The following NEDD4L variants were observed in gnomAD, a reference collection of about 807,000 sequenced individuals.
NEDD4L encodes NEDD4 like E3 ubiquitin protein ligase, also known as E3 ubiquitin-protein ligase NEDD4-like.
A neutral mutation model predicts 148.9 loss-of-function variants in NEDD4L; 54 were observed. The observed-to-expected ratio is 0.36, with a 90% CI of 0.29 to 0.45. The LOEUF is 0.45. NEDD4L is among the 20% of genes least tolerant of loss of function. The pLI, the probability that NEDD4L is intolerant of heterozygous loss-of-function variation, is 1.00. For missense variants in NEDD4L, 856 were observed against 1,233.8 expected, an observed-to-expected ratio of 0.69 and a Z score of 4.59; for synonymous variants, 433 against 440.7, an observed-to-expected ratio of 0.98 and a Z score of 0.22.
At chr18:58,373,100 G>T (rs2047110855) in intron 23 of NEDD4L, 74 bp from the exon 24 acceptor site, 2 of 780,320 alleles carry the variant, frequency 2.6e-6, no homozygotes, top group African/African-American at 1.7e-5. Flanking sequence ...ACATTAGAAT[G>T]TAATTAAAGA....
At chr18:58,067,073 C>T (rs1172144006) in intron 1 of NEDD4L, among the ~76,000 whole-genome samples, 1 of 152,072 alleles carries the variant, frequency 6.6e-6, no homozygotes, top group Admixed American at 6.5e-5. Context: ...TGTTTCCAGC[C>T]CTGAACTCTC....
Position 58,149,412 on chromosome 18 carries a change from C to T in NEDD4L, c.49-16376C>T, listed in dbSNP as rs988200134. ...AACTTCTCTCCTGTGACCTTGTCAC[C>T]CGGCAGTGGAAAGTTACCCTTGGCT... On this transcript the variant is annotated intron_variant, in intron 1 of 30. Coordinates refer to ENST00000400345, the MANE Select transcript of NEDD4L (RefSeq NM_001144967.3). The T allele has an allele frequency of 4.0e-6, 6 of 1,502,690 alleles. No individual in the cohort carries two copies. The African/African-American group carries it at 7.0e-5, about 17-fold the overall frequency. The allele number at this position is 1,502,690 out of a possible 1,614,324, so 93.1% of individuals were successfully genotyped here. A position where few individuals can be genotyped will look rare whatever the true frequency, so the allele number is the denominator to read the frequency against.
At chr18:58,317,898 A>G (rs1192382247) in intron 6 of NEDD4L, among the ~76,000 whole-genome samples, 1 of 152,208 alleles carries the variant, frequency 6.6e-6, no homozygotes, top group Non-Finnish European at 1.5e-5. Flanking sequence ...GTTCACAGCC[A>G]ACTATAGTCA....
intron 1 of NEDD4L, among the ~76,000 whole-genome samples, chr18:58,163,995 C>T (rs545380475): frequency 2.1e-4 from 32 of 151,664 alleles, no homozygotes; most frequent in African/African-American, 5.6e-4. Context: ...TACTTTCTTG[C>T]GCCGTCAGCC....
chr18:58,105,974 C>G (rs1286073797), intron 1 of NEDD4L, among the ~76,000 whole-genome samples: 2 of 152,170 alleles, frequency 1.3e-5, no homozygotes, highest in Non-Finnish European at 2.9e-5. Flanking sequence ...AAAAAGAAAC[C>G]TTAGGTTACC....
intron 1 of NEDD4L, among the ~76,000 whole-genome samples, chr18:58,138,353 C>T (rs1325211196): frequency 6.7e-6 from 1 of 148,244 alleles, no homozygotes; most frequent in African/African-American, 2.5e-5. Flanking sequence ...TCTTCCCTCC[C>T]CTCCTCCTCT....
At chr18:58,159,493 C>T (rs1398975172) in intron 1 of NEDD4L, among the ~76,000 whole-genome samples, 2 of 151,890 alleles carry the variant, frequency 1.3e-5, no homozygotes, top group African/African-American at 4.8e-5. Flanking sequence ...GTAGGGGGTA[C>T]GTAGGAAATC....
rs538021085 is a variant in NEDD4L, at chr18:58,133,097, A to C, written c.49-32691A>C. The stretch of plus-strand genomic sequence containing the variant: ...ACTTGCCTGGCATGTGGAACTGAGT[A>C]AATTCTGTCAAAAGAACTCACTGAA... On this transcript the variant is annotated intron_variant, in intron 1 of 30. Coordinates refer to ENST00000400345, the MANE Select transcript of NEDD4L (RefSeq NM_001144967.3). Among the ~76,000 whole-genome samples, 271 of 152,342 alleles carry C rather than the reference A, an allele frequency of 1.8e-3. 3 individuals are homozygous for C. The Middle Eastern group carries it at 0.024, about 13-fold the overall frequency.
chr18:58,382,545 T>A (rs1376262708), intron 24 of NEDD4L, among the ~76,000 whole-genome samples: 4 of 152,190 alleles, frequency 2.6e-5, no homozygotes, highest in Non-Finnish European at 5.9e-5. Context: ...TATTTTAAAA[T>A]AGTAGGCCTC....
intron 2 of NEDD4L, 48 bp downstream of exon 2, chr18:58,165,909 A>G (rs571911875): frequency 2.0e-6 from 3 of 1,479,842 alleles, no homozygotes; most frequent in South Asian, 2.4e-5. Flanking sequence ...AAAATTGACA[A>G]GCAGTTTTCA....
At chr18:58,162,496 C>T (rs1045438797) in intron 1 of NEDD4L, among the ~76,000 whole-genome samples, 7 of 151,920 alleles carry the variant, frequency 4.6e-5, no homozygotes, top group African/African-American at 1.7e-4. Flanking sequence ...ATGTTCCTCT[C>T]CCCAGTTGCT....
At chr18:58,166,580 T>C (rs924877270) in intron 2 of NEDD4L, among the ~76,000 whole-genome samples, 7 of 152,234 alleles carry the variant, frequency 4.6e-5, no homozygotes, top group Non-Finnish European at 8.8e-5. Flanking sequence ...GATGTTCTAG[T>C]CCAACTTTTC....
chr18:58,076,229 A>G (rs971545535), intron 1 of NEDD4L, among the ~76,000 whole-genome samples: 1 of 152,244 alleles, frequency 6.6e-6, no homozygotes, highest in African/African-American at 2.4e-5. Context: ...ATTAAGCCAG[A>G]CTGTAGCAGG....
At chr18:58,053,417 G>A (rs897306535) in intron 1 of NEDD4L, among the ~76,000 whole-genome samples, 2 of 151,714 alleles carry the variant, frequency 1.3e-5, no homozygotes, top group Non-Finnish European at 2.9e-5. Context: ...CACGCCATTC[G>A]CCTGCCTCAG....
At chr18:58,217,209 C>T (rs2043235587) in intron 2 of NEDD4L, among the ~76,000 whole-genome samples, 1 of 152,196 alleles carries the variant, frequency 6.6e-6, no homozygotes, top group African/African-American at 2.4e-5. Flanking sequence ...GGATTTAAGA[C>T]CATGTGAGGA....
chr18:58,190,737 T>C (rs2040013810), intron 2 of NEDD4L, among the ~76,000 whole-genome samples: 1 of 152,230 alleles, frequency 6.6e-6, no homozygotes, highest in South Asian at 2.1e-4. Flanking sequence ...TAAAGTTACC[T>C]CTTTGAGTGA....
intron 4 of NEDD4L, among the ~76,000 whole-genome samples, chr18:58,250,434 G>A (rs148940372): frequency 3.9e-5 from 6 of 152,216 alleles, no homozygotes; most frequent in Non-Finnish European, 8.8e-5. Context: ...AGGTTCTTAA[G>A]GTCTTTATAT....
At chr18:58,375,589 A>G (rs1250868497) in intron 24 of NEDD4L, among the ~76,000 whole-genome samples, 1 of 152,070 alleles carries the variant, frequency 6.6e-6, no homozygotes, top group Non-Finnish European at 1.5e-5. Context: ...TCAGTGCCAC[A>G]TTGCTGGCTC....
rs544054025 is a variant in NEDD4L at position 58,127,105 on chromosome 18, C to T, written c.49-38683C>T. Among the ~76,000 whole-genome samples, 9 of 152,360 alleles carry T rather than the reference C, an allele frequency of 5.9e-5. No individual in the cohort carries two copies. The East Asian group carries it at 1.7e-3, about 29-fold the overall frequency. The stretch of plus-strand genomic sequence containing the variant: ...TCTCTTGCTTTTCTCTGATAGCAAA[C>T]CCCGTCTCCTGTCATCCTCCCTCCT... On this transcript the variant is annotated intron_variant, in intron 1 of 30. Coordinates refer to ENST00000400345, the MANE Select transcript of NEDD4L (RefSeq NM_001144967.3).
Sources: allele counts gnomAD v4.1 joint callset (sites outside exome capture counted in the v4.1 genomes callset), GRCh38; gene constraint gnomAD v4.1.1; transcripts MANE v1.5; gene names NCBI Gene and HGNC (gene_info 2026-07-23, HGNC 2026-07-21).